Variants in TMC7 observed in about 807,000 individuals in gnomAD.
TMC7 encodes transmembrane channel like 7.
In TMC7, 54 loss-of-function variants were observed where a neutral mutation model predicts 82.9. The observed-to-expected ratio is 0.65, with a 90% confidence interval of 0.52 to 0.82. The LOEUF (loss-of-function observed/expected upper bound fraction) is 0.82, where lower values mean the gene tolerates loss of function less well. Among genes scored for constraint, TMC7 ranks in the 40% least tolerant of loss-of-function variants. TMC7 has a pLI of 0.00. For missense variants in TMC7, 820 were observed against 901.2 expected (o/e 0.91, Z 1.15); for synonymous variants, 350 against 337.9 (o/e 1.04, Z -0.39).
At chr16:19,057,637 C>T (rs1018688797) in intron 14 of TMC7, among the ~76,000 whole-genome samples, 3 of 152,240 alleles carry the variant, frequency 2.0e-5, no homozygotes, top group Non-Finnish European at 2.9e-5. Flanking sequence ...CTAATGGGTT[C>T]ACCCCAGCAG....
intron 14 of TMC7, among the ~76,000 whole-genome samples, chr16:19,058,229 T>TA (rs1361993734): frequency 1.3e-5 from 2 of 151,986 alleles, no homozygotes; most frequent in African/African-American, 4.8e-5. Context: ...CCGTCTCTAC[T>TA]AAAAAATATA....
At position 19,056,649 on chromosome 16, in the gene TMC7, A is replaced by G; in HGVS notation, c.1979A>G (p.His660Arg). ...TFPSSLQSFIHGVTSEAFAVP... is the reference protein window; with the variant it reads ...TFPSSLQSFIRGVTSEAFAVP... ...CCCAGCTCGCTGCAGTCCTTCATCC[A>G]TGGTGTCACATCCGAAGCCTTTGCA... Residue 660 changes from histidine (H) to arginine (R), a missense_variant, in exon 14 of 16, where the codon CAT (histidine) becomes CGT (arginine). His to Arg is a conservative substitution (Grantham distance 29). This residue lies in a region of TMC7 where 170 missense variants were observed against 231.3 expected (regional missense o/e 0.74). Transcript: ENST00000304381. 1 of 1,614,056 alleles carries G rather than the reference A, an allele frequency of 6.2e-7. No homozygotes were observed. Among genetic ancestry groups the G allele is most frequent in the Non-Finnish European group, 8.5e-7 (1 of 1,180,008 alleles).
At chr16:19,045,486 C>G (rs1310890364) in intron 11 of TMC7, 48 bp downstream of exon 11, 2 of 1,271,444 alleles carry the variant, frequency 1.6e-6, no homozygotes, top group Non-Finnish European at 2.3e-6. Flanking sequence ...CACACATGCA[C>G]ACACACACAT....
intron 12 of TMC7, chr16:19,049,683 G>A: frequency 1.0e-6 from 1 of 985,076 alleles, no homozygotes; most frequent in Non-Finnish European, 1.2e-6. Flanking sequence ...GTTGGGTCAT[G>A]GTGGGTACCT....
At chr16:19,033,241 C>T (rs917106529) in intron 6 of TMC7, among the ~76,000 whole-genome samples, 5 of 152,214 alleles carry the variant, frequency 3.3e-5, no homozygotes, top group Admixed American at 2.0e-4. Context: ...TCTTAGCACT[C>T]TGCCTGGCAC....
In TMC7 at chr16:19,037,952, A is replaced by C; in HGVS notation, c.1084A>C (p.Arg362=). 6.2e-7 allele frequency: 1 copy of C among 1,614,116 alleles called. No individual in the cohort carries two copies. The highest frequency in any genetic ancestry group is 8.5e-7 in the Non-Finnish European group (1 of 1,180,024). ...AGAAACAATACGCATTTACTCTTTG[A>C]GACTGTTTTTGAACTGTATTGTTCT... ...SEETIRIYSL[R]LFLNCIVLAV... The change falls in exon 8 of 16, where the codon AGA becomes CGA. Residue 362 remains arginine, a synonymous_variant. Coordinates refer to ENST00000304381, the MANE Select transcript of TMC7 (RefSeq NM_024847.4).
chr16:19,016,370 G>T (rs961642836), intron 2 of TMC7, 80 bp from the exon 3 acceptor site: 1 of 1,565,276 alleles, frequency 6.4e-7, no homozygotes, highest in South Asian at 1.2e-5. Context: ...GATTACAGGC[G>T]TGAGCTACTG....
rs1272325717 is a variant in TMC7, at chr16:19,037,333, A to G, written c.1006-541A>G. On this transcript the variant is annotated intron_variant, in intron 7 of 15. Coordinates refer to ENST00000304381, the MANE Select transcript of TMC7 (RefSeq NM_024847.4). The stretch of plus-strand genomic sequence containing the variant: ...AACCAGGGAGTCAGAGGTTGCAGTG[A>G]GCCGAGATTGGACCACTGCACTCCA... Among the ~76,000 whole-genome samples, 3 of 142,186 alleles carry G rather than the reference A, an allele frequency of 2.1e-5. No individual in the cohort carries two copies. In the Admixed American group the frequency reaches 2.3e-4, roughly 11 times the overall value. The allele number at this position is 142,186 out of a possible 152,430, so 93.3% of individuals were successfully genotyped here. A position where few individuals can be genotyped will look rare whatever the true frequency, so the allele number is the denominator to read the frequency against.
chr16:19,008,908 G>GT (rs2039287502), intron 1 of TMC7, among the ~76,000 whole-genome samples: 1 of 152,152 alleles, frequency 6.6e-6, no homozygotes, highest in African/African-American at 2.4e-5. Context: ...CTTTTAGCTA[G>GT]TGTCTGTAGC....
intron 1 of TMC7, among the ~76,000 whole-genome samples, chr16:19,008,366 C>G (rs2039278205): frequency 6.6e-6 from 1 of 152,174 alleles, no homozygotes; most frequent in Non-Finnish European, 1.5e-5. Flanking sequence ...CTGCAGTGCT[C>G]CCAATCACCA....
intron 9 of TMC7, 103 bp from the exon 10 acceptor site, chr16:19,044,768 CAAAAAAAAAAAAA>C (rs1165792461): frequency 1.7e-5 from 5 of 292,008 alleles, no homozygotes; most frequent in Non-Finnish European, 3.0e-5. Context: ...CACTCCATCT[CAAAAAAAAAAAAA>C]AAAAAAAAAA....
intron 1 of TMC7, among the ~76,000 whole-genome samples, chr16:18,986,835 TACTC>T (rs1303272313): frequency 1.3e-5 from 2 of 151,702 alleles, no homozygotes; most frequent in Non-Finnish European, 2.9e-5. Flanking sequence ...GATGGAGTCT[TACTC>T]TGTCGCCCAG....
chr16:19,038,881 G>A (rs1960880312), intron 8 of TMC7, among the ~76,000 whole-genome samples: 1 of 152,064 alleles, frequency 6.6e-6, no homozygotes, highest in African/African-American at 2.4e-5. Context: ...CCTGGAATTT[G>A]CAATATTCAA....
chr16:19,016,646 CT>C, intron 3 of TMC7, 48 bp downstream of exon 3: 1 of 1,589,928 alleles, frequency 6.3e-7, no homozygotes, highest in Non-Finnish European at 8.6e-7. Context: ...AAGTCTGTGT[CT>C]GGGGAGCAAG....
At chr16:19,018,509 T>TGG (rs1959815636) in intron 3 of TMC7, among the ~76,000 whole-genome samples, 3 of 152,168 alleles carry the variant, frequency 2.0e-5, no homozygotes, top group African/African-American at 7.2e-5. Flanking sequence ...CAAGACCTCA[T>TGG]TGAAACCTAA....
intron 13 of TMC7, among the ~76,000 whole-genome samples, chr16:19,052,390 G>A (rs149438319): frequency 6.6e-6 from 1 of 152,078 alleles, no homozygotes. Context: ...AGAGACAAGG[G>A]CTCACTATGT....
intron 2 of TMC7, among the ~76,000 whole-genome samples, chr16:19,014,691 C>T (rs537300504): frequency 2.9e-4 from 44 of 152,328 alleles, no homozygotes; most frequent in African/African-American, 1.0e-3. Flanking sequence ...AGAGCTCTGA[C>T]CACATCCCCT....
intron 11 of TMC7, among the ~76,000 whole-genome samples, chr16:19,046,022 C>T (rs1055334902): frequency 6.6e-6 from 1 of 152,184 alleles, no homozygotes. Context: ...ACCATTGTGT[C>T]TGTTCACAAC....
intron 12 of TMC7, 148 bp from the exon 13 acceptor site, chr16:19,051,538 C>A: frequency 1.1e-6 from 1 of 870,102 alleles, no homozygotes. Flanking sequence ...TTGGATGAAA[C>A]CTTTTTCATT....
Sources: allele counts gnomAD v4.1 joint callset (sites outside exome capture counted in the v4.1 genomes callset), GRCh38; gene constraint gnomAD v4.1.1; regional missense constraint gnomAD v4.1.1; transcripts MANE v1.5; gene names NCBI Gene and HGNC (gene_info 2026-07-23, HGNC 2026-07-21).